The following FYB1 variants were observed in gnomAD, a reference collection of about 807,000 sequenced individuals.
FYB1 encodes the protein FYN binding protein 1.
In FYB1, 41 loss-of-function variants were observed where a neutral mutation model predicts 94.1. The observed-to-expected ratio is 0.44, with a 90% CI of 0.34 to 0.57. FYB1 has a LOEUF of 0.57. Among genes scored for constraint, FYB1 ranks in the 20% least tolerant of loss-of-function variants. The probability of loss-of-function intolerance (pLI) is 0.02; values close to 1 mark genes in which losing one functional copy is unlikely to be tolerated. For missense variants in FYB1, 1,050 were observed against 976.8 expected (o/e 1.07, Z -1.00); for synonymous variants, 367 against 353.2 (o/e 1.04, Z -0.44).
chr5:39,166,473 C>G (rs1388475563), intron 2 of FYB1, among the ~76,000 whole-genome samples: 1 of 151,462 alleles, frequency 6.6e-6, no homozygotes, highest in Non-Finnish European at 1.5e-5. Context: ...TATCATTTTA[C>G]CAAAAAGACA....
At chr5:39,210,408 A>G (rs1749256543) in intron 1 of FYB1, among the ~76,000 whole-genome samples, 1 of 152,156 alleles carries the variant, frequency 6.6e-6, no homozygotes. Context: ...TCCTGTTTCT[A>G]CTGTGTTCTC....
At chr5:39,258,475 C>G (rs561574593) in intron 1 of FYB1, among the ~76,000 whole-genome samples, 1 of 152,260 alleles carries the variant, frequency 6.6e-6, no homozygotes, top group South Asian at 2.1e-4. Flanking sequence ...TGGTGCATGT[C>G]TGTGATTCCA....
At chr5:39,196,476 T>A (rs1436277304) in intron 2 of FYB1, among the ~76,000 whole-genome samples, 1 of 152,216 alleles carries the variant, frequency 6.6e-6, no homozygotes, top group East Asian at 1.9e-4. Context: ...ATTACAGGCA[T>A]GAGCCACCGC....
At chr5:39,186,794 G>A (rs549154760) in intron 2 of FYB1, among the ~76,000 whole-genome samples, 4 of 151,658 alleles carry the variant, frequency 2.6e-5, no homozygotes, top group South Asian at 2.1e-4. Context: ...GCCAATTATT[G>A]TCTTTCTTTA....
chr5:39,211,623 G>A (rs1479330140), intron 1 of FYB1, among the ~76,000 whole-genome samples: 2 of 152,072 alleles, frequency 1.3e-5, no homozygotes, highest in Admixed American at 6.6e-5. Flanking sequence ...TCTTATGGTT[G>A]TTCTATTTTC....
chr5:39,230,572 A>ATG (rs143636470), intron 1 of FYB1, among the ~76,000 whole-genome samples: 6,650 of 152,046 alleles, frequency 0.044, 358 homozygotes, highest in African/African-American at 0.13. Context: ...ATTTCTGTAT[A>ATG]TGTGTGTGTG....
upstream of FYB1, among the ~76,000 whole-genome samples, chr5:39,221,502 T>C (rs1033828513): frequency 3.9e-5 from 6 of 152,116 alleles, no homozygotes; most frequent in African/African-American, 1.4e-4. Flanking sequence ...CTGTGATGAG[T>C]ATTAAGCTCA....
At chr5:39,224,651 G>T (rs1171207415) in intron 1 of FYB1, among the ~76,000 whole-genome samples, 1 of 152,170 alleles carries the variant, frequency 6.6e-6, no homozygotes, top group Admixed American at 6.5e-5. Context: ...GAGAAGAAAA[G>T]AAATGGGTTC....
At chr5:39,151,172 A>G (rs1468455347) in intron 3 of FYB1, among the ~76,000 whole-genome samples, 1 of 152,212 alleles carries the variant, frequency 6.6e-6, no homozygotes, top group Non-Finnish European at 1.5e-5. Flanking sequence ...TCAAGCAGCA[A>G]CATGCTGTCC....
chr5:39,152,079 A>G lies in FYB1; in HGVS notation c.1292+1369T>C, dbSNP rs148699223. Reference sequence around the variant, plus strand: ...GATGGGAGCTTGAAAGTCTTTCACTATACATATTTTCCCTTTTGAAAAAGT... The same window carrying G: ...GATGGGAGCTTGAAAGTCTTTCACTGTACATATTTTCCCTTTTGAAAAAGT... On this transcript the variant is annotated intron_variant, in intron 3 of 18. Transcript: ENST00000512982. 3.5e-5 allele frequency among the ~76,000 whole-genome samples: 4 copies of G among 113,490 alleles called. No individual in the cohort carries two copies. In the East Asian group the frequency reaches 9.9e-4, roughly 28 times the overall value. 74.5% of individuals were successfully genotyped at this position (113,490 alleles called of 152,430 possible).
At chr5:39,187,550 A>G (rs1029158352) in intron 2 of FYB1, among the ~76,000 whole-genome samples, 11 of 152,220 alleles carry the variant, frequency 7.2e-5, no homozygotes, top group Non-Finnish European at 1.5e-5. Flanking sequence ...GCACTTGGGC[A>G]ATAATCAGTT....
rs1747034036 is a variant in FYB1, at chr5:39,188,365, T to A, written c.1135+13461A>T. 2.6e-5 allele frequency among the ~76,000 whole-genome samples: 4 copies of A among 152,128 alleles called. No homozygotes were observed. The South Asian group carries it at 8.3e-4, about 31-fold the overall frequency. The stretch of plus-strand genomic sequence containing the variant: ...CATTCATTTGCATGTTTTGATGTAA[T>A]CACTAACTGCTAGTATCTTGGTTCA... On this transcript the variant is annotated intron_variant, in intron 2 of 18. Coordinates refer to ENST00000512982, the MANE Select transcript of FYB1 (RefSeq NM_001465.6).
intron 1 of FYB1, among the ~76,000 whole-genome samples, chr5:39,214,927 T>C (rs1257312771): frequency 6.6e-6 from 1 of 151,664 alleles, no homozygotes; most frequent in East Asian, 1.9e-4. Flanking sequence ...AGATTCTGTG[T>C]CAAAAAAAAA....
At chr5:39,163,447 A>G (rs951491332) in intron 2 of FYB1, among the ~76,000 whole-genome samples, 5 of 152,226 alleles carry the variant, frequency 3.3e-5, no homozygotes, top group Non-Finnish European at 7.4e-5. Context: ...CTAATGATCA[A>G]TGAGAGGAAA....
chr5:39,229,502 G>A (rs1027740978), intron 1 of FYB1, among the ~76,000 whole-genome samples: 4 of 152,140 alleles, frequency 2.6e-5, no homozygotes, highest in Non-Finnish European at 5.9e-5. Context: ...TCTGACCAAG[G>A]CGGGTGAGTT....
chr5:39,124,791 T>C (rs1229562315), intron 12 of FYB1, among the ~76,000 whole-genome samples: 1 of 152,100 alleles, frequency 6.6e-6, no homozygotes, highest in Non-Finnish European at 1.5e-5. Context: ...GAGGAATATT[T>C]ACTTAAACCA....
At chr5:39,123,824 A>G (rs927546377) in intron 13 of FYB1, among the ~76,000 whole-genome samples, 2 of 152,220 alleles carry the variant, frequency 1.3e-5, no homozygotes, top group African/African-American at 4.8e-5. Context: ...TATATTTAAC[A>G]TTTTCCAAAT....
chr5:39,261,324 G>A (rs181800), intron 1 of FYB1, among the ~76,000 whole-genome samples: 59,911 of 131,976 alleles, frequency 0.45, 13,014 homozygotes, highest in Non-Finnish European at 0.48. Flanking sequence ...AAAAAAGAAC[G>A]TGTGTAGATT....
At chr5:39,133,796 C>T (rs1251231644) in intron 9 of FYB1, among the ~76,000 whole-genome samples, 3 of 151,600 alleles carry the variant, frequency 2.0e-5, no homozygotes, top group Non-Finnish European at 2.9e-5. Context: ...CATTTTTTGT[C>T]GTATTTTCAA....
Sources: gnomAD v4.1 joint callset for allele counts (sites outside exome capture counted in the v4.1 genomes callset) on GRCh38, gnomAD v4.1.1 for gene constraint, MANE v1.5 for transcripts, NCBI Gene and HGNC (gene_info 2026-07-23, HGNC 2026-07-21) for gene names.